Variants in RIMS2 observed in about 807,000 individuals in gnomAD.
RIMS2 encodes regulating synaptic membrane exocytosis protein 2.
Under a neutral mutation model 174.4 loss-of-function variants are expected in RIMS2, and 59 were observed. The ratio of observed to expected loss-of-function variants is 0.34; its 90% CI spans 0.27 to 0.42. RIMS2 has a LOEUF of 0.42. Ranked by LOEUF, RIMS2 falls within the 10% of genes least tolerant of loss-of-function variation. The pLI, the probability that RIMS2 is intolerant of heterozygous loss-of-function variation, is 1.00. For synonymous variants in RIMS2, 606 were observed against 572.5 expected (o/e 1.06, Z -0.84); for missense variants, 1,620 against 1,666.3 (o/e 0.97, Z 0.48).
chr8:103,792,917 C>A (rs2098513947), intron 3 of RIMS2, among the ~76,000 whole-genome samples: 1 of 151,996 alleles, frequency 6.6e-6, no homozygotes, highest in Admixed American at 6.6e-5. Context: ...CAATAACAGG[C>A]TCTGAAATTG....
At chr8:104,147,985 TTTTC>T (rs1303862691) in intron 19 of RIMS2, among the ~76,000 whole-genome samples, 2 of 152,220 alleles carry the variant, frequency 1.3e-5, no homozygotes, top group African/African-American at 4.8e-5. Flanking sequence ...AAAATCTTTC[TTTTC>T]TTTATTTTTG....
At chr8:103,685,875 T>C (rs1195758037) in intron 1 of RIMS2, among the ~76,000 whole-genome samples, 1 of 152,102 alleles carries the variant, frequency 6.6e-6, no homozygotes, top group Non-Finnish European at 1.5e-5. Context: ...ATGCTGGGAG[T>C]TTTATTGGGA....
chr8:104,001,961 A>G (rs568391234), intron 17 of RIMS2, among the ~76,000 whole-genome samples: 1 of 152,172 alleles, frequency 6.6e-6, no homozygotes, highest in Admixed American at 6.5e-5. Flanking sequence ...TAAACTTCAC[A>G]GTTCCTGCCA....
intron 3 of RIMS2, chr8:103,768,675 C>A: frequency 1.3e-6 from 1 of 788,340 alleles, no homozygotes; most frequent in Non-Finnish European, 2.3e-6. Flanking sequence ...TGCCTCATCA[C>A]CTGGGGCCCA....
chr8:103,568,603 T>C, intron 1 of RIMS2: 2 of 549,096 alleles, frequency 3.6e-6, no homozygotes, highest in South Asian at 3.3e-5. Context: ...GCTGTAACTG[T>C]GATCAGTTGT....
chr8:103,778,543 C>A (rs1437726910), intron 3 of RIMS2, among the ~76,000 whole-genome samples: 3 of 152,060 alleles, frequency 2.0e-5, no homozygotes, highest in African/African-American at 7.2e-5. Flanking sequence ...TTTCACTTAA[C>A]ATAATGACCT....
intron 19 of RIMS2, among the ~76,000 whole-genome samples, chr8:104,178,386 AAT>A (rs1368608580): frequency 6.6e-6 from 1 of 152,136 alleles, no homozygotes; most frequent in African/African-American, 2.4e-5. Context: ...CAAAGCCAGC[AAT>A]GGTGAGTCAA....
At chr8:104,111,884 C>A (rs369663499) in intron 19 of RIMS2, among the ~76,000 whole-genome samples, 2 of 152,142 alleles carry the variant, frequency 1.3e-5, no homozygotes, top group South Asian at 4.1e-4. Flanking sequence ...TCTAATCTAG[C>A]GCATGCTTAG....
At chr8:103,739,208 G>A (rs1241207366) in intron 2 of RIMS2, among the ~76,000 whole-genome samples, 1 of 152,134 alleles carries the variant, frequency 6.6e-6, no homozygotes. Flanking sequence ...CATAAAAAAG[G>A]ATGAGTTCAT....
At chr8:103,534,023 C>T (rs548857132) in intron 1 of RIMS2, among the ~76,000 whole-genome samples, 2 of 152,252 alleles carry the variant, frequency 1.3e-5, no homozygotes, top group East Asian at 1.9e-4. Context: ...TCAAGGCTGA[C>T]GTTGAACTGT....
intron 23 of RIMS2, 85 bp from the exon 30 acceptor site, chr8:104,251,517 G>T: frequency 1.3e-6 from 1 of 767,750 alleles, no homozygotes; most frequent in Non-Finnish European, 2.3e-6. Flanking sequence ...TTAACTGAAT[G>T]TACTTTAGTA....
exon 24 of RIMS2, chr8:104,251,628 C>T (rs1454620981): frequency 6.2e-7 from 1 of 1,606,132 alleles, no homozygotes. Flanking sequence ...ATTATGGCCG[C>T]ATGGATCACA....
intron 17 of RIMS2, among the ~76,000 whole-genome samples, chr8:104,004,307 A>G (rs918717832): frequency 9.9e-5 from 15 of 152,226 alleles, no homozygotes; most frequent in African/African-American, 3.4e-4. Context: ...CCTGAGGAAC[A>G]TTAACATTAA....
At chr8:103,815,068 G>C (rs1305924378) in intron 3 of RIMS2, among the ~76,000 whole-genome samples, 1 of 152,136 alleles carries the variant, frequency 6.6e-6, no homozygotes, top group Non-Finnish European at 1.5e-5. Flanking sequence ...CTTGTGGCTA[G>C]TGTATCAAAA....
intron 19 of RIMS2, among the ~76,000 whole-genome samples, chr8:104,101,598 T>C (rs2131097676): frequency 6.6e-6 from 1 of 152,192 alleles, no homozygotes; most frequent in African/African-American, 2.4e-5. Context: ...ACACATAGCA[T>C]TTACTGTAGT....
At chr8:103,984,971 G>T (rs2094225493) in intron 16 of RIMS2, among the ~76,000 whole-genome samples, 1 of 152,074 alleles carries the variant, frequency 6.6e-6, no homozygotes, top group African/African-American at 2.4e-5. Flanking sequence ...ACTTATTTGT[G>T]GGATATAAAA....
chr8:103,961,547 A>G (rs1188431232), intron 15 of RIMS2, among the ~76,000 whole-genome samples: 2 of 152,146 alleles, frequency 1.3e-5, no homozygotes, highest in Non-Finnish European at 1.5e-5. Context: ...TTGTTTTTAT[A>G]TGAAGTATCA....
At chr8:103,714,943 A>AT (rs1454736089) in intron 2 of RIMS2, among the ~76,000 whole-genome samples, 1 of 152,144 alleles carries the variant, frequency 6.6e-6, no homozygotes, top group Non-Finnish European at 1.5e-5. Context: ...TTAACATGTA[A>AT]TTATATTATT....
intron 1 of RIMS2, among the ~76,000 whole-genome samples, chr8:103,597,272 G>A (rs1286512881): frequency 2.0e-5 from 3 of 152,146 alleles, no homozygotes; most frequent in Non-Finnish European, 4.4e-5. Flanking sequence ...GATAGCCTGA[G>A]AGAATACACA....
Sources: allele counts gnomAD v4.1 joint callset (sites outside exome capture counted in the v4.1 genomes callset), GRCh38; gene constraint gnomAD v4.1.1; transcripts MANE v1.5; gene names NCBI Gene and HGNC (gene_info 2026-07-23, HGNC 2026-07-21).